The following SLC16A7 variants were observed in gnomAD, a reference collection of about 807,000 sequenced individuals.
SLC16A7 encodes monocarboxylate transporter 2.
A neutral mutation model predicts 34.9 loss-of-function variants in SLC16A7; 33 were observed. The ratio of observed to expected loss-of-function variants is 0.94; its 90% CI spans 0.72 to 1.26. The LOEUF is 1.26. Among genes scored for constraint, SLC16A7 ranks in the 50% most tolerant of loss-of-function variants. SLC16A7 has a pLI of 0.00. For synonymous variants in SLC16A7, 201 were observed against 206.6 expected (o/e 0.97, Z 0.23); for missense variants, 573 against 578.1 (o/e 0.99, Z 0.09).
intron 2 of SLC16A7, among the ~76,000 whole-genome samples, chr12:59,659,128 C>G (rs575992379): frequency 7.0e-4 from 106 of 152,026 alleles, no homozygotes; most frequent in African/African-American, 2.5e-3. Flanking sequence ...ATGCAAGGTT[C>G]TATAATATAT....
At chr12:59,710,945 C>T (rs1450169922) in intron 3 of SLC16A7, among the ~76,000 whole-genome samples, 1 of 152,160 alleles carries the variant, frequency 6.6e-6, no homozygotes, top group Non-Finnish European at 1.5e-5. Context: ...TCTGTTTCTT[C>T]CAGAGGGCAG....
rs567868800 is a variant in SLC16A7 at position 59,773,538 on chromosome 12, T to A, written c.362-1119T>A. ...GTTTAAGGGAAAACAAGAGATAGTT[T>A]ATATAAGCCCAATTTTATATAAACC... is the stretch of plus-strand genomic sequence containing the variant. On this transcript the variant is annotated intron_variant, in intron 4 of 5. Coordinates refer to ENST00000547379, the MANE Select transcript of SLC16A7 (RefSeq NM_001270623.2). Among the ~76,000 whole-genome samples the A allele has an allele frequency of 5.3e-5, 8 of 152,220 alleles. No individual in the cohort carries two copies. The South Asian group carries it at 1.5e-3, about 28-fold the overall frequency.
At chr12:59,691,445 G>A (rs1871637870) in intron 2 of SLC16A7, among the ~76,000 whole-genome samples, 2 of 152,010 alleles carry the variant, frequency 1.3e-5, no homozygotes, top group South Asian at 4.1e-4. Context: ...TCCAGAACAT[G>A]AAGATAATGG....
intron 1 of SLC16A7, among the ~76,000 whole-genome samples, chr12:59,631,678 A>G (rs1333691356): frequency 6.6e-6 from 1 of 151,842 alleles, no homozygotes; most frequent in Non-Finnish European, 1.5e-5. Flanking sequence ...ATTTTTCCTG[A>G]TGTTCTTTCC....
Position 59,788,004 on chromosome 12 carries a change from G to C in SLC16A7, c.*8325G>C, listed in dbSNP as rs1883740358. 1 of 152,118 alleles carries C rather than the reference G, an allele frequency of 6.6e-6. No homozygotes were observed. The allele number at this position is 152,118 out of a possible 1,614,324, so 9.4% of individuals were successfully genotyped here. On this transcript the variant is annotated 3_prime_UTR_variant, in exon 6 of 6. Coordinates refer to ENST00000547379, the MANE Select transcript of SLC16A7 (RefSeq NM_001270623.2). ...CTTGCTACAACTGACTAAATTTGAA[G>C]CTTTTTATGTAAAAGTTCTTCTCCC...
At chr12:59,640,282 G>A (rs2137004947) in intron 1 of SLC16A7, among the ~76,000 whole-genome samples, 1 of 152,128 alleles carries the variant, frequency 6.6e-6, no homozygotes, top group Non-Finnish European at 1.5e-5. Flanking sequence ...AGAACGAAAG[G>A]GAATTTGCAA....
chr12:59,730,541 A>C (rs541244300), intron 3 of SLC16A7, among the ~76,000 whole-genome samples: 369 of 152,232 alleles, frequency 2.4e-3, no homozygotes, highest in African/African-American at 8.1e-3. Flanking sequence ...TAATAATAAT[A>C]ATAACGCTAT....
At position 59,743,015 on chromosome 12, in the gene SLC16A7, AAAG is replaced by A. The variant is rs373761137; in HGVS notation, c.218-28198_218-28196del. Among the ~76,000 whole-genome samples the A allele has an allele frequency of 2.0e-4, 30 of 152,328 alleles. No individual in the cohort carries two copies. The South Asian group carries it at 5.6e-3, about 28-fold the overall frequency. On this transcript the variant is annotated intron_variant, in intron 3 of 5. Coordinates refer to ENST00000547379, the MANE Select transcript of SLC16A7 (RefSeq NM_001270623.2). Reference sequence around the variant, plus strand: ...CTCAGTGCACAGAAATTATTCTGACAAAGAAGAAACCACTCTTTCAGAACTTAA... The same window carrying A: ...CTCAGTGCACAGAAATTATTCTGACAAAGAAACCACTCTTTCAGAACTTAA...
At position 59,703,930 on chromosome 12, in the gene SLC16A7, G is replaced by A. The variant is rs541749572; in HGVS notation, c.-30-842G>A. Reference sequence around the variant, plus strand: ...TTTAAAAATAGTGGGGGCTGGATGCGGTGGCTCACACCCGTAATCCCAACA... The same window carrying A: ...TTTAAAAATAGTGGGGGCTGGATGCAGTGGCTCACACCCGTAATCCCAACA... On this transcript the variant is annotated intron_variant, in intron 2 of 5. Transcript: ENST00000547379. Among the ~76,000 whole-genome samples the A allele has an allele frequency of 1.2e-4, 18 of 151,814 alleles. No individual in the cohort carries two copies. In the East Asian group the frequency reaches 1.6e-3, roughly 13 times the overall value.
intron 3 of SLC16A7, among the ~76,000 whole-genome samples, chr12:59,739,018 T>C (rs1877951156): frequency 8.9e-6 from 1 of 112,324 alleles, no homozygotes; most frequent in African/African-American, 3.5e-5. Flanking sequence ...AATTTTTTTT[T>C]CATTTATTTA....
rs560879071 is a variant in SLC16A7, at chr12:59,678,966, C to T, written c.-31+23716C>T. ...AGTGCTGCCCTGAGCGAACACACAC[C>T]CAGCTGGGTTGCAACAGTGCCCAGG... is the stretch of plus-strand genomic sequence containing the variant. On this transcript the variant is annotated intron_variant, in intron 2 of 5. Coordinates refer to ENST00000547379, the MANE Select transcript of SLC16A7 (RefSeq NM_001270623.2). Among the ~76,000 whole-genome samples the T allele has an allele frequency of 5.9e-5, 9 of 152,284 alleles. No individual in the cohort carries two copies. The South Asian group carries it at 1.9e-3, about 32-fold the overall frequency.
At chr12:59,621,048 A>C (rs1041168884) in intron 1 of SLC16A7, among the ~76,000 whole-genome samples, 1 of 151,926 alleles carries the variant, frequency 6.6e-6, no homozygotes, top group Non-Finnish European at 1.5e-5. Context: ...GTTTTTAAAT[A>C]ACAAGTCTAA....
At chr12:59,766,373 T>C (rs1438795038) in intron 3 of SLC16A7, among the ~76,000 whole-genome samples, 1 of 152,150 alleles carries the variant, frequency 6.6e-6, no homozygotes, top group South Asian at 2.1e-4. Context: ...CTATGTTGAA[T>C]AGGAGTGGTG....
At chr12:59,614,887 C>T (rs372401380) in intron 1 of SLC16A7, among the ~76,000 whole-genome samples, 2 of 149,272 alleles carry the variant, frequency 1.3e-5, no homozygotes, top group South Asian at 4.3e-4. Context: ...CCTGTAGTCC[C>T]AGCTACTTGG....
At chr12:59,720,766 G>A (rs1020252616) in intron 3 of SLC16A7, among the ~76,000 whole-genome samples, 16 of 151,828 alleles carry the variant, frequency 1.1e-4, no homozygotes, top group African/African-American at 2.4e-4. Flanking sequence ...ATCTTCCACC[G>A]CATTGTTTTC....
chr12:59,690,577 T>C (rs899700458), intron 2 of SLC16A7, among the ~76,000 whole-genome samples: 2 of 151,902 alleles, frequency 1.3e-5, no homozygotes, highest in Non-Finnish European at 2.9e-5. Flanking sequence ...AAAAAGCATA[T>C]AAACAATGAT....
chr12:59,609,509 G>C (rs965361806), intron 1 of SLC16A7, among the ~76,000 whole-genome samples: 1 of 150,520 alleles, frequency 6.6e-6, no homozygotes, highest in Non-Finnish European at 1.5e-5. Flanking sequence ...GATGTGGGTC[G>C]GGGGGCATAG....
At chr12:59,769,893 C>G (rs1882057154) in intron 3 of SLC16A7, among the ~76,000 whole-genome samples, 2 of 151,920 alleles carry the variant, frequency 1.3e-5, no homozygotes, top group South Asian at 4.2e-4. Flanking sequence ...CAAATAGTGT[C>G]CCTAGTTTCA....
At chr12:59,633,348 T>G (rs1880271187) in intron 1 of SLC16A7, among the ~76,000 whole-genome samples, 1 of 152,058 alleles carries the variant, frequency 6.6e-6, no homozygotes, top group Admixed American at 6.6e-5. Context: ...AATGGACTAC[T>G]AATCATATCA....
Sources: gnomAD v4.1 joint callset for allele counts (sites outside exome capture counted in the v4.1 genomes callset) on GRCh38, gnomAD v4.1.1 for gene constraint, MANE v1.5 for transcripts, NCBI Gene and HGNC (gene_info 2026-07-23, HGNC 2026-07-21) for gene names.